Variants in CAMTA1 observed in about 807,000 individuals in gnomAD.
The protein encoded by CAMTA1 is calmodulin-binding transcription activator 1.
Under a neutral mutation model 170.9 loss-of-function variants are expected in CAMTA1, and 27 were observed. The ratio of observed to expected loss-of-function variants is 0.16; its 90% CI spans 0.12 to 0.22. The LOEUF is 0.22. Ranked by LOEUF, CAMTA1 falls within the 10% of genes least tolerant of loss-of-function variation. The probability of loss-of-function intolerance (pLI) is 1.00; values close to 1 mark genes in which losing one functional copy is unlikely to be tolerated. For synonymous variants in CAMTA1, 833 were observed against 891.5 expected, an observed-to-expected ratio of 0.93 and a Z score of 1.17; for missense variants, 1,619 against 2,217.2, an observed-to-expected ratio of 0.73 and a Z score of 5.42.
intron 6 of CAMTA1, among the ~76,000 whole-genome samples, chr1:7,528,526 G>A (rs2094455193): frequency 6.6e-6 from 1 of 152,078 alleles, no homozygotes; most frequent in Admixed American, 6.6e-5. Flanking sequence ...GGGTTCCTCA[G>A]CTCTGAGTCA....
In CAMTA1 at chr1:7,674,374, A is replaced by G. The variant is rs535722958; in HGVS notation, c.2780-3225A>G. 2.0e-5 allele frequency among the ~76,000 whole-genome samples: 3 copies of G among 152,222 alleles called. No individual in the cohort carries two copies. The highest frequency in any genetic ancestry group is 2.9e-5 in the Non-Finnish European group (2 of 67,998). Reference sequence around the variant, plus strand: ...AGTGAGTGAGAGGAGGTGCTGGGGAAAAGAGGCGACTCAGGCTTGGGAGAA... The same window carrying G: ...AGTGAGTGAGAGGAGGTGCTGGGGAGAAGAGGCGACTCAGGCTTGGGAGAA... On this transcript the variant is annotated intron_variant, in intron 10 of 22. Coordinates refer to ENST00000303635, the MANE Select transcript of CAMTA1 (RefSeq NM_015215.4). This position sits in a 1 kb window ranked among gnomAD's most constrained non-coding sequence, Gnocchi z 4.1.
intron 3 of CAMTA1, among the ~76,000 whole-genome samples, chr1:7,019,044 G>A (rs968431704): frequency 7.2e-5 from 11 of 152,336 alleles, no homozygotes; most frequent in African/African-American, 2.6e-4. Context: ...TTGGTGGGCG[G>A]GGTGGATGCC....
At position 7,306,383 on chromosome 1, in the gene CAMTA1, G is replaced by GA. The variant is rs541627359; in HGVS notation, c.438+56766dup. Among the ~76,000 whole-genome samples the GA allele has an allele frequency of 2.5e-3, 378 of 150,210 alleles. 2 individuals are homozygous for GA. The highest frequency in any genetic ancestry group is 8.5e-3 in the African/African-American group (349 of 41,028). On this transcript the variant is annotated intron_variant, in intron 5 of 22. Coordinates refer to ENST00000303635, the MANE Select transcript of CAMTA1 (RefSeq NM_015215.4). The stretch of plus-strand genomic sequence containing the variant: ...TCTTATTGTTCTAATACCACTTATT[G>GA]AAAAAAAAATCTTCTCCATTGAATT...
chr1:7,068,196 T>C (rs1364778819), intron 3 of CAMTA1, among the ~76,000 whole-genome samples: 3 of 152,192 alleles, frequency 2.0e-5, no homozygotes, highest in Admixed American at 2.0e-4. Context: ...TGCCCTCGTA[T>C]TCATGCAGCG....
At position 6,859,268 on chromosome 1, in the gene CAMTA1, C is replaced by A. The variant is rs1285744707; in HGVS notation, c.234+34058C>A. 2.0e-5 allele frequency among the ~76,000 whole-genome samples: 3 copies of A among 152,008 alleles called. No individual in the cohort carries two copies. The East Asian group carries it at 5.8e-4, about 29-fold the overall frequency. ...TCATATACAGCTTCCCTGTTTTTTC[C>A]TCCCCATTTATACACCATGTTGTGG... On this transcript the variant is annotated intron_variant, in intron 3 of 22. Transcript: ENST00000303635.
intron 6 of CAMTA1, among the ~76,000 whole-genome samples, chr1:7,487,357 G>A (rs2093632251): frequency 6.6e-6 from 1 of 152,174 alleles, no homozygotes; most frequent in Non-Finnish European, 1.5e-5. Flanking sequence ...CTACACCAAA[G>A]CTTTAAGGCA....
intron 5 of CAMTA1, among the ~76,000 whole-genome samples, chr1:7,380,062 T>C (rs2087165020): frequency 6.6e-6 from 1 of 152,242 alleles, no homozygotes; most frequent in South Asian, 2.1e-4. Flanking sequence ...GCAGGAACAT[T>C]GCTAGAATTT....
intron 11 of CAMTA1, chr1:7,698,410 G>A (rs1056597064): frequency 2.0e-5 from 3 of 152,414 alleles, no homozygotes; most frequent in African/African-American, 7.2e-5. Context: ...TTGCAGTGTA[G>A]TCTAAACTGA....
At chr1:7,311,820 T>C (rs941263753) in intron 5 of CAMTA1, among the ~76,000 whole-genome samples, 3 of 152,158 alleles carry the variant, frequency 2.0e-5, no homozygotes, top group Non-Finnish European at 2.9e-5. Flanking sequence ...TCAAAGCCTT[T>C]GTTGTCCTGT....
At chr1:7,757,409 TTGA>T (rs2150232667) in intron 22 of CAMTA1, among the ~76,000 whole-genome samples, 1 of 152,350 alleles carries the variant, frequency 6.6e-6, no homozygotes, top group East Asian at 1.9e-4. Flanking sequence ...GTATGCCAAC[TTGA>T]TGATAGAAGA....
chr1:7,712,149 A>T (rs2096575469), intron 11 of CAMTA1, among the ~76,000 whole-genome samples: 1 of 152,212 alleles, frequency 6.6e-6, no homozygotes, highest in Non-Finnish European at 1.5e-5. Flanking sequence ...GAAATATATA[A>T]AATAACTTTG....
At chr1:6,807,002 C>T (rs983011249) in intron 1 of CAMTA1, 1 of 653,874 alleles carries the variant, frequency 1.5e-6, no homozygotes, top group Non-Finnish European at 2.8e-6. Flanking sequence ...AGGACAGACC[C>T]AGTCTCTGTC....
chr1:7,417,877 G>T (rs185331679), intron 5 of CAMTA1, among the ~76,000 whole-genome samples: 1 of 152,238 alleles, frequency 6.6e-6, no homozygotes, highest in East Asian at 1.9e-4. Flanking sequence ...CTCACGCTGG[G>T]AGCTATAGAC....
chr1:7,723,013 G>A (rs950176251), intron 11 of CAMTA1, among the ~76,000 whole-genome samples: 12 of 152,178 alleles, frequency 7.9e-5, no homozygotes, highest in African/African-American at 2.9e-4. Context: ...ACATTAGTGT[G>A]TATACAGGTA....
At chr1:6,809,746 T>C (rs1644953499) in intron 1 of CAMTA1, among the ~76,000 whole-genome samples, 1 of 151,954 alleles carries the variant, frequency 6.6e-6, no homozygotes, top group African/African-American at 2.4e-5. Context: ...CAGTAGAGGC[T>C]GAGAAAGAAT....
chr1:7,322,399 G>A (rs1270586906), intron 5 of CAMTA1, among the ~76,000 whole-genome samples: 1 of 152,210 alleles, frequency 6.6e-6, no homozygotes, highest in Non-Finnish European at 1.5e-5. Flanking sequence ...CTAGCCATAT[G>A]ATCTCTGTTG....
chr1:7,672,838 T>G (rs2096072508), intron 10 of CAMTA1, among the ~76,000 whole-genome samples: 1 of 151,996 alleles, frequency 6.6e-6, no homozygotes, highest in Non-Finnish European at 1.5e-5. Context: ...CAGGAGCCAG[T>G]GCAGCAGCCC....
chr1:7,269,143 C>G (rs1033309612), intron 5 of CAMTA1, among the ~76,000 whole-genome samples: 5 of 152,220 alleles, frequency 3.3e-5, no homozygotes, highest in Non-Finnish European at 5.9e-5. Flanking sequence ...GCATCAGGGC[C>G]TCTCACAAGG....
intron 11 of CAMTA1, among the ~76,000 whole-genome samples, chr1:7,706,061 C>T (rs1207636538): frequency 6.6e-6 from 1 of 152,200 alleles, no homozygotes; most frequent in Non-Finnish European, 1.5e-5. Flanking sequence ...CATTTCTCTA[C>T]AAATCAGGTA....
Sources: allele counts gnomAD v4.1 joint callset (sites outside exome capture counted in the v4.1 genomes callset), GRCh38; gene constraint gnomAD v4.1.1; non-coding constraint Gnocchi (gnomAD v3.1); transcripts MANE v1.5; gene names NCBI Gene and HGNC (gene_info 2026-07-23, HGNC 2026-07-21).